TOGARAM1: variants seen among roughly 807,000 people sequenced by gnomAD.
TOGARAM1 encodes the protein TOG array regulator of axonemal microtubules protein 1.
TOGARAM1 carries 100 observed loss-of-function variants against 166.6 expected under a neutral mutation model. The observed-to-expected ratio is 0.60, with a 90% CI of 0.51 to 0.71. The LOEUF is 0.71. Ranked by LOEUF, TOGARAM1 falls within the 30% of genes least tolerant of loss-of-function variation. The pLI, the probability that TOGARAM1 is intolerant of heterozygous loss-of-function variation, is 0.00. For missense variants in TOGARAM1, 2,029 were observed against 2,102.7 expected, an observed-to-expected ratio of 0.96 and a Z score of 0.69; for synonymous variants, 758 against 763.8, an observed-to-expected ratio of 0.99 and a Z score of 0.13.
At position 44,962,468 on chromosome 14, in the gene TOGARAM1, T is replaced by G; in HGVS notation, c.47T>G (p.Val16Gly). Reference protein sequence around the residue: ...SALLLLPPFPVLSTYRLQSRS... With the variant: ...SALLLLPPFPGLSTYRLQSRS... ...CTGCTTCTGCTGCCGCCCTTTCCAG[T>G]CCTCTCTACCTATCGGCTCCAGAGC... The change falls in exon 1 of 20, where the codon GTC becomes GGC. Residue 16 changes from valine to glycine, a missense_variant. Around this residue, in one of 2 missense-constraint regions of TOGARAM1, gnomAD observed 1,453 missense variants for 1,432.2 expected, o/e 1.01. Transcript: ENST00000361462. The G allele has an allele frequency of 6.3e-7, 1 of 1,599,044 alleles. No individual in the cohort carries two copies. Among genetic ancestry groups the G allele is most frequent in the Non-Finnish European group, 8.5e-7 (1 of 1,173,052 alleles).
At chr14:44,984,090 G>C (rs1886666455) in intron 1 of TOGARAM1, among the ~76,000 whole-genome samples, 1 of 152,060 alleles carries the variant, frequency 6.6e-6, no homozygotes, top group Non-Finnish European at 1.5e-5. Flanking sequence ...ATTTAAGAAA[G>C]AGTTTATAGG....
At chr14:45,055,132 T>C (rs1185338509) in intron 16 of TOGARAM1, among the ~76,000 whole-genome samples, 3 of 152,232 alleles carry the variant, frequency 2.0e-5, no homozygotes, top group South Asian at 2.1e-4. Context: ...ATTATTTACA[T>C]AGACCAATGT....
rs1399035505 is a variant in TOGARAM1 at position 44,963,254 on chromosome 14, C to T, written c.833C>T (p.Ser278Phe). 5 of 1,614,076 alleles carry T rather than the reference C, an allele frequency of 3.1e-6. No individual in the cohort carries two copies. Among genetic ancestry groups the T allele is most frequent in the Non-Finnish European group, 4.2e-6 (5 of 1,180,046 alleles). ...GAAGAAGAATCTGAGACAGCTTTCTCCGCACTTCAACAAATTGGGGAGCGA... is the reference window on the plus strand; with the variant it reads ...GAAGAAGAATCTGAGACAGCTTTCTTCGCACTTCAACAAATTGGGGAGCGA... ...ETEEESETAF[S>F]ALQQIGERLG... The change falls in exon 1 of 20, where the codon TCC becomes TTC. Residue 278 changes from serine to phenylalanine, a missense_variant. Ser to Phe is a radical substitution (Grantham distance 155). This residue lies in a region of TOGARAM1 where 1,453 missense variants were observed against 1,432.2 expected (regional missense o/e 1.01). Transcript: ENST00000361462.
At chr14:44,987,327 G>C (rs545100054) in intron 1 of TOGARAM1, among the ~76,000 whole-genome samples, 11 of 152,016 alleles carry the variant, frequency 7.2e-5, no homozygotes, top group Non-Finnish European at 1.6e-4. Context: ...GCAACCTACA[G>C]AATGGAGAAA....
chr14:45,002,633 T>C (rs1267935435), intron 3 of TOGARAM1, among the ~76,000 whole-genome samples: 1 of 152,216 alleles, frequency 6.6e-6, no homozygotes, highest in African/African-American at 2.4e-5. Context: ...TTGCATTGTT[T>C]TTATGTATAT....
intron 7 of TOGARAM1, among the ~76,000 whole-genome samples, chr14:45,024,749 A>G (rs966203049): frequency 1.3e-5 from 2 of 152,236 alleles, no homozygotes; most frequent in Admixed American, 1.3e-4. Flanking sequence ...TACATGAAAA[A>G]TGATCACTTA....
At chr14:45,070,280 T>A (rs2139009994) in intron 18 of TOGARAM1, among the ~76,000 whole-genome samples, 1 of 152,310 alleles carries the variant, frequency 6.6e-6, no homozygotes, top group South Asian at 2.1e-4. Flanking sequence ...TTCTTAAGTA[T>A]TTTTCATCAG....
At chr14:45,009,378 A>G (rs1194757522) in intron 6 of TOGARAM1, among the ~76,000 whole-genome samples, 2 of 152,214 alleles carry the variant, frequency 1.3e-5, no homozygotes, top group Non-Finnish European at 2.9e-5. Flanking sequence ...CTAAATTAGT[A>G]TAAACCCTGT....
In TOGARAM1 at chr14:45,046,545, C is replaced by A; in HGVS notation, c.4155C>A (p.Ser1385Arg). Reference sequence around the variant, plus strand: ...TTTAATTGATCATGTCTCCTTGTAGCCATTTACACATTGCTGTAAGAAGGT... The same window carrying A: ...TTTAATTGATCATGTCTCCTTGTAGACATTTACACATTGCTGTAAGAAGGT... ...AVVSLINGGQSHLHIAVRRCT... is the reference protein window; with the variant it reads ...AVVSLINGGQRHLHIAVRRCT... The change falls in exon 14 of 20, where the codon AGC becomes AGA. Residue 1385 changes from serine (S) to arginine (R), a missense_variant and splice_region_variant. This residue lies in a region of TOGARAM1 where 576 missense variants were observed against 670.5 expected (regional missense o/e 0.86). Coordinates refer to ENST00000361462, the MANE Select transcript of TOGARAM1 (RefSeq NM_001308120.2). 1 of 1,290,962 alleles carries A rather than the reference C, an allele frequency of 7.7e-7. No homozygotes were observed. The highest frequency in any genetic ancestry group is 9.9e-7 in the Non-Finnish European group (1 of 1,009,132). 80.0% of individuals were successfully genotyped at this position (1,290,962 alleles called of 1,614,324 possible).
At chr14:44,991,489 A>G (rs1047746523) in intron 1 of TOGARAM1, among the ~76,000 whole-genome samples, 1 of 152,168 alleles carries the variant, frequency 6.6e-6, no homozygotes, top group Non-Finnish European at 1.5e-5. Context: ...CAGCCATTAA[A>G]GATAATTTAT....
chr14:44,989,967 G>A (rs1276850675), intron 1 of TOGARAM1, among the ~76,000 whole-genome samples: 1 of 152,166 alleles, frequency 6.6e-6, no homozygotes, highest in East Asian at 1.9e-4. Flanking sequence ...AAGAGGAACT[G>A]TCAGACACTT....
rs572963930 is a variant in TOGARAM1, at chr14:44,962,451, G to C, written c.30G>C (p.Leu10=). ...CGGCTGCCCCCTCCGCGCTGCTTCT[G>C]CTGCCGCCCTTTCCAGTCCTCTCTA... MAAAPSALL[L]LPPFPVLSTY... The change falls in exon 1 of 20, where the codon CTG becomes CTC. Residue 10 remains leucine, a synonymous_variant. Transcript: ENST00000361462. The C allele has an allele frequency of 6.3e-6, 10 of 1,579,920 alleles. No individual in the cohort carries two copies. In the African/African-American group the frequency reaches 1.2e-4, roughly 19 times the overall value.
intron 10 of TOGARAM1, 147 bp from the exon 11 acceptor site, chr14:45,032,076 C>A: frequency 1.6e-6 from 1 of 630,350 alleles, no homozygotes; most frequent in Non-Finnish European, 2.6e-6. Flanking sequence ...AGGAGAATTG[C>A]TTGAAGCAGG....
intron 11 of TOGARAM1, among the ~76,000 whole-genome samples, chr14:45,035,875 G>A (rs1053636821): frequency 6.6e-6 from 1 of 150,892 alleles, no homozygotes; most frequent in African/African-American, 2.4e-5. Context: ...ACTTTATGAG[G>A]CCAAGCCAGG....
chr14:45,030,058 G>T (rs1016852787), intron 10 of TOGARAM1, among the ~76,000 whole-genome samples: 1 of 151,998 alleles, frequency 6.6e-6, no homozygotes. Context: ...CTGACCTCGT[G>T]ATCTGCTCAC....
At chr14:45,058,974 G>C (rs1427235333) in intron 16 of TOGARAM1, among the ~76,000 whole-genome samples, 1 of 151,954 alleles carries the variant, frequency 6.6e-6, no homozygotes, top group Non-Finnish European at 1.5e-5. Context: ...TCCATGTTTA[G>C]GGCCCATTTG....
At chr14:45,033,096 A>G (rs1273348499) in intron 11 of TOGARAM1, among the ~76,000 whole-genome samples, 2 of 151,698 alleles carry the variant, frequency 1.3e-5, no homozygotes, top group Non-Finnish European at 2.9e-5. Context: ...CTAAAAATAC[A>G]AAAAAAATTA....
chr14:45,022,266 C>A (rs1321265678), intron 7 of TOGARAM1, among the ~76,000 whole-genome samples: 2 of 151,368 alleles, frequency 1.3e-5, no homozygotes, highest in Non-Finnish European at 2.9e-5. Flanking sequence ...TTCTGTCCTG[C>A]AGAGGAAGGC....
At chr14:44,968,665 TA>T (rs2138718391) in intron 1 of TOGARAM1, among the ~76,000 whole-genome samples, 1 of 152,336 alleles carries the variant, frequency 6.6e-6, no homozygotes, top group South Asian at 2.1e-4. Flanking sequence ...TCCGGTACTT[TA>T]GGGGTACATT....
Sources: gnomAD v4.1 joint callset for allele counts (sites outside exome capture counted in the v4.1 genomes callset) on GRCh38, gnomAD v4.1.1 for gene constraint, gnomAD v4.1.1 regional missense constraint, MANE v1.5 for transcripts, NCBI Gene and HGNC (gene_info 2026-07-23, HGNC 2026-07-21) for gene names.